PRKN: variants seen among roughly 807,000 people sequenced by gnomAD.
PRKN encodes E3 ubiquitin-protein ligase parkin.
A neutral mutation model predicts 59.5 loss-of-function variants in PRKN; 56 were observed. The ratio of observed to expected loss-of-function variants is 0.94; its 90% CI spans 0.76 to 1.18. The LOEUF (loss-of-function observed/expected upper bound fraction) is 1.18, where lower values mean the gene tolerates loss of function less well. PRKN is among the 50% of genes most tolerant of loss of function. The probability of loss-of-function intolerance (pLI) is 0.00; values close to 1 mark genes in which losing one functional copy is unlikely to be tolerated. For missense variants in PRKN, 657 were observed against 596.4 expected (o/e 1.10, Z -1.06); for synonymous variants, 250 against 222.1 (o/e 1.13, Z -1.12).
intron 1 of PRKN, among the ~76,000 whole-genome samples, chr6:162,551,308 T>C (rs1385049200): frequency 1.3e-5 from 2 of 152,162 alleles, no homozygotes; most frequent in Non-Finnish European, 2.9e-5. Context: ...TTCCAGTCCA[T>C]AACAAGTTAA....
At chr6:161,375,487 A>T (rs1475134741) in intron 10 of PRKN, among the ~76,000 whole-genome samples, 2 of 152,134 alleles carry the variant, frequency 1.3e-5, no homozygotes, top group African/African-American at 4.8e-5. Context: ...TGACAGTTTT[A>T]GCATTCAGCC....
chr6:161,732,951 T>C (rs1001479390), intron 7 of PRKN, among the ~76,000 whole-genome samples: 3 of 152,200 alleles, frequency 2.0e-5, no homozygotes, highest in African/African-American at 7.2e-5. Context: ...ATTCCCCCTT[T>C]GGAGCAACAG....
Position 162,140,271 on chromosome 6 carries a change from C to T in PRKN, c.534+60860G>A, listed in dbSNP as rs192301689. On this transcript the variant is annotated intron_variant, in intron 4 of 11. Transcript: ENST00000366898. ...CCACAATTGCCCTTCTAGCCTTTTG[C>T]TTTTCATGATAATTTAGAAAAAAAA... Among the ~76,000 whole-genome samples the T allele has an allele frequency of 2.6e-4, 40 of 152,174 alleles. No homozygotes were observed. In the East Asian group the frequency reaches 7.3e-3, roughly 28 times the overall value.
intron 5 of PRKN, among the ~76,000 whole-genome samples, chr6:162,052,854 A>C (rs764125764): frequency 2.0e-5 from 3 of 152,168 alleles, no homozygotes; most frequent in Non-Finnish European, 4.4e-5. Flanking sequence ...GTATATATGT[A>C]TAACACATAT....
chr6:161,821,441 ATTTT>A (rs5881436), intron 6 of PRKN, among the ~76,000 whole-genome samples: 34,125 of 150,546 alleles, frequency 0.23, 4,524 homozygotes, highest in East Asian at 0.4. Context: ...AATAAAAGGG[ATTTT>A]TTTTTTAATC....
intron 2 of PRKN, among the ~76,000 whole-genome samples, chr6:162,391,792 A>G (rs2128145115): frequency 6.6e-6 from 1 of 152,326 alleles, no homozygotes; most frequent in South Asian, 2.1e-4. Context: ...AATATGTCAT[A>G]TAGCAAGTTT....
At chr6:162,708,361 G>A (rs189852634) in intron 1 of PRKN, among the ~76,000 whole-genome samples, 3 of 152,250 alleles carry the variant, frequency 2.0e-5, no homozygotes, top group East Asian at 3.9e-4. Flanking sequence ...GATAATAGAA[G>A]TAGAAATCAT....
rs1428200535 is a variant in PRKN at position 161,670,257 on chromosome 6, C to T, written c.872-100841G>A. On this transcript the variant is annotated intron_variant, in intron 7 of 11. Transcript: ENST00000366898. ...GAGGAGGTAGGAGATAATGAAGGGA[C>T]GTGATTAGCTTTGTGGGACAGCCAC... Among the ~76,000 whole-genome samples the T allele has an allele frequency of 3.9e-5, 6 of 152,058 alleles. No homozygotes were observed. In the East Asian group the frequency reaches 5.8e-4, roughly 15 times the overall value.
At chr6:161,830,671 G>A (rs1235190983) in intron 6 of PRKN, among the ~76,000 whole-genome samples, 1 of 152,070 alleles carries the variant, frequency 6.6e-6, no homozygotes, top group Non-Finnish European at 1.5e-5. Context: ...TATATTCATG[G>A]TATACAACAT....
intron 6 of PRKN, among the ~76,000 whole-genome samples, chr6:161,874,171 A>ATAATATATAAT (rs1794506708): frequency 1.8e-5 from 1 of 56,650 alleles, no homozygotes; most frequent in African/African-American, 9.0e-5. Context: ...TATAATATAT[A>ATAATATATAAT]ATATATATTA....
intron 6 of PRKN, among the ~76,000 whole-genome samples, chr6:161,916,003 T>A (rs1778542886): frequency 6.6e-6 from 1 of 151,900 alleles, no homozygotes; most frequent in Non-Finnish European, 1.5e-5. Context: ...CTATATCAAA[T>A]GATAAAGAAA....
intron 1 of PRKN, among the ~76,000 whole-genome samples, chr6:162,511,385 C>T (rs1176797999): frequency 6.6e-6 from 1 of 151,782 alleles, no homozygotes; most frequent in Non-Finnish European, 1.5e-5. Flanking sequence ...TTTGTTTTAC[C>T]TGCTAGAAAA....
chr6:161,837,271 T>C (rs1040630142), intron 6 of PRKN, among the ~76,000 whole-genome samples: 6 of 152,034 alleles, frequency 3.9e-5, no homozygotes, highest in Non-Finnish European at 8.8e-5. Context: ...CTCCTGCTAA[T>C]GGCCTGGGTT....
chr6:162,709,573 G>A (rs1310854732), intron 1 of PRKN, among the ~76,000 whole-genome samples: 1 of 152,136 alleles, frequency 6.6e-6, no homozygotes, highest in Non-Finnish European at 1.5e-5. Flanking sequence ...CATAGGAATT[G>A]AAAGCAAGGG....
intron 1 of PRKN, among the ~76,000 whole-genome samples, chr6:162,573,422 TGAGGATCATAACACCTTC>T (rs573985977): frequency 9.1e-4 from 138 of 152,302 alleles, no homozygotes; most frequent in African/African-American, 3.2e-3. Context: ...GTCCCCTTCC[TGAGGATCATAACACCTTC>T]GAGTTCTTCC....
chr6:161,861,481 G>A (rs1425792173), intron 6 of PRKN, among the ~76,000 whole-genome samples: 1 of 152,096 alleles, frequency 6.6e-6, no homozygotes, highest in Non-Finnish European at 1.5e-5. Flanking sequence ...TGCATGTGGG[G>A]CTTATAACCT....
intron 5 of PRKN, among the ~76,000 whole-genome samples, chr6:162,001,490 C>T (rs1027850268): frequency 6.6e-6 from 1 of 151,416 alleles, no homozygotes; most frequent in African/African-American, 2.4e-5. Flanking sequence ...GACGTTTGCA[C>T]ATTAAACCTG....
intron 6 of PRKN, among the ~76,000 whole-genome samples, chr6:161,867,759 T>TTATGTATTTATGTATTTATG (rs1554236201): frequency 8.7e-5 from 13 of 150,122 alleles, no homozygotes; most frequent in African/African-American, 2.9e-4. Context: ...ATTTATTTAT[T>TTATGTATTTATGTATTTATG]TATTTATTTA....
intron 6 of PRKN, among the ~76,000 whole-genome samples, chr6:161,939,014 A>G (rs964426535): frequency 5.3e-5 from 8 of 152,336 alleles, no homozygotes; most frequent in African/African-American, 1.9e-4. Flanking sequence ...AAAAAATTAT[A>G]CTTTTAACAA....
Sources: allele counts gnomAD v4.1 joint callset (sites outside exome capture counted in the v4.1 genomes callset), GRCh38; gene constraint gnomAD v4.1.1; transcripts MANE v1.5; gene names NCBI Gene and HGNC (gene_info 2026-07-23, HGNC 2026-07-21).